The following CHD6 variants were observed in gnomAD, a reference collection of about 807,000 sequenced individuals.
CHD6 encodes the protein ATP-dependent chromatin remodeler CHD6.
Under a neutral mutation model 276.9 loss-of-function variants are expected in CHD6, and 50 were observed. The ratio of observed to expected loss-of-function variants is 0.18; its 90% confidence interval spans 0.14 to 0.23. The LOEUF is 0.23. Among genes scored for constraint, CHD6 ranks in the 10% least tolerant of loss-of-function variants. The probability of loss-of-function intolerance (pLI) is 1.00; values close to 1 mark genes in which losing one functional copy is unlikely to be tolerated. For missense variants in CHD6, 2,564 were observed against 3,365.8 expected (o/e 0.76, Z 5.89); for synonymous variants, 1,173 against 1,229.3 (o/e 0.95, Z 0.96).
At chr20:41,614,508 T>C (rs904457692) in intron 1 of CHD6, among the ~76,000 whole-genome samples, 11 of 152,272 alleles carry the variant, frequency 7.2e-5, no homozygotes, top group African/African-American at 2.4e-4. Flanking sequence ...ATTCTAAAGG[T>C]TGCAAAACAG....
At chr20:41,565,327 C>T (rs887143917) in intron 1 of CHD6, among the ~76,000 whole-genome samples, 2 of 152,110 alleles carry the variant, frequency 1.3e-5, no homozygotes, top group Non-Finnish European at 2.9e-5. Flanking sequence ...AACTCCTGAC[C>T]TCATGATCCA....
chr20:41,526,255 T>C (rs769451207), intron 3 of CHD6, among the ~76,000 whole-genome samples: 3 of 152,120 alleles, frequency 2.0e-5, no homozygotes, highest in Non-Finnish European at 4.4e-5. Flanking sequence ...TGAAGTCCAA[T>C]GGGTTCCAAG....
chr20:41,525,803 T>G (rs1228956056), intron 3 of CHD6, among the ~76,000 whole-genome samples: 1 of 152,226 alleles, frequency 6.6e-6, no homozygotes, highest in Non-Finnish European at 1.5e-5. Context: ...TGACATACTC[T>G]TTACCTTCTA....
At chr20:41,454,597 C>T (rs774209010) in intron 20 of CHD6, 29 bp downstream of exon 20, 1 of 1,514,134 alleles carries the variant, frequency 6.6e-7, no homozygotes, top group Non-Finnish European at 9.1e-7. Flanking sequence ...AGTGAATGTT[C>T]CATGGAATAA....
intron 1 of CHD6, among the ~76,000 whole-genome samples, chr20:41,615,898 T>C (rs185887498): frequency 6.6e-6 from 1 of 152,314 alleles, no homozygotes; most frequent in East Asian, 1.9e-4. Flanking sequence ...CCAAAACATT[T>C]CTTCAAAACT....
chr20:41,570,146 A>G (rs2146205819), intron 1 of CHD6, among the ~76,000 whole-genome samples: 1 of 152,350 alleles, frequency 6.6e-6, no homozygotes, highest in South Asian at 2.1e-4. Flanking sequence ...TCAAGATGTT[A>G]AATTTGAAAA....
At chr20:41,597,419 T>C (rs1283161246) in intron 1 of CHD6, among the ~76,000 whole-genome samples, 1 of 152,192 alleles carries the variant, frequency 6.6e-6, no homozygotes, top group Non-Finnish European at 1.5e-5. Flanking sequence ...TCTTCTACCC[T>C]TTCCTTTCTC....
At chr20:41,574,162 A>C in intron 1 of CHD6, among the ~76,000 whole-genome samples, 1 of 134,964 alleles carries the variant, frequency 7.4e-6, no homozygotes. Flanking sequence ...GGAGGAAGGA[A>C]GAGAGGGACA....
In CHD6 at chr20:41,617,729, G is replaced by C. The variant is rs1461527598; in HGVS notation, c.-24+611C>G. 2.0e-5 allele frequency among the ~76,000 whole-genome samples: 3 copies of C among 152,102 alleles called. No homozygotes were observed. The South Asian group carries it at 6.3e-4, about 32-fold the overall frequency. On this transcript the variant is annotated intron_variant, in intron 1 of 36. Transcript: ENST00000373233. ...TTTCGGGGCGAGTGCGCGCTAGTGC[G>C]TAAGAAGGGGGCGGAGGGGGTGCGC... is the stretch of plus-strand genomic sequence containing the variant.
chr20:41,439,358 GA>G (rs370407287), intron 26 of CHD6, among the ~76,000 whole-genome samples: 88 of 139,182 alleles, frequency 6.3e-4, no homozygotes, highest in African/African-American at 4.7e-4. Context: ...TCTATCTCGG[GA>G]AAAAAAAAAA....
At chr20:41,544,665 T>C (rs1370051139) in intron 2 of CHD6, among the ~76,000 whole-genome samples, 1 of 150,354 alleles carries the variant, frequency 6.7e-6, no homozygotes, top group African/African-American at 2.4e-5. Flanking sequence ...AATATTTTAA[T>C]GTTAATATTT....
At chr20:41,595,990 A>C (rs1315950916) in intron 1 of CHD6, among the ~76,000 whole-genome samples, 1 of 152,092 alleles carries the variant, frequency 6.6e-6, no homozygotes, top group Non-Finnish European at 1.5e-5. Flanking sequence ...TGAAAACAGA[A>C]TCCCTACCCC....
intron 27 of CHD6, among the ~76,000 whole-genome samples, chr20:41,430,602 G>C (rs1285227272): frequency 6.6e-6 from 1 of 152,224 alleles, no homozygotes; most frequent in East Asian, 1.9e-4. Flanking sequence ...TCTAGTGGTT[G>C]TGAGAATTTG....
At chr20:41,508,916 A>T (rs757971668) in intron 5 of CHD6, among the ~76,000 whole-genome samples, 2 of 152,208 alleles carry the variant, frequency 1.3e-5, no homozygotes, top group Non-Finnish European at 2.9e-5. Flanking sequence ...AAATCATACC[A>T]GTTTATATAA....
At chr20:41,531,833 A>G (rs1280110775) in intron 3 of CHD6, among the ~76,000 whole-genome samples, 2 of 150,306 alleles carry the variant, frequency 1.3e-5, no homozygotes, top group Non-Finnish European at 2.9e-5. Flanking sequence ...CTTAAAATGC[A>G]TTCTTAAAAT....
At chr20:41,601,514 C>T (rs1228889484) in intron 1 of CHD6, among the ~76,000 whole-genome samples, 1 of 152,172 alleles carries the variant, frequency 6.6e-6, no homozygotes, top group Admixed American at 6.5e-5. Context: ...TTCAAGGTAG[C>T]AACCTGGAGA....
chr20:41,517,044 C>A (rs1190406274), intron 3 of CHD6, among the ~76,000 whole-genome samples: 1 of 152,222 alleles, frequency 6.6e-6, no homozygotes, highest in African/African-American at 2.4e-5. Context: ...CCCTCTTGAA[C>A]ACCCGTCACC....
intron 1 of CHD6, among the ~76,000 whole-genome samples, chr20:41,585,743 T>G (rs981049537): frequency 6.6e-6 from 1 of 152,126 alleles, no homozygotes; most frequent in Non-Finnish European, 1.5e-5. Context: ...CAGCATTACC[T>G]TGACATCAAA....
chr20:41,543,171 G>T (rs186342494), intron 2 of CHD6, among the ~76,000 whole-genome samples: 1 of 151,318 alleles, frequency 6.6e-6, no homozygotes, highest in East Asian at 1.9e-4. Context: ...GTATTAGGAA[G>T]ATACTAAGCT....
Sources: allele counts gnomAD v4.1 joint callset (sites outside exome capture counted in the v4.1 genomes callset), GRCh38; gene constraint gnomAD v4.1.1; transcripts MANE v1.5; gene names NCBI Gene and HGNC (gene_info 2026-07-23, HGNC 2026-07-21).